NLGN1: variants seen among roughly 807,000 people sequenced by gnomAD.
NLGN1 encodes the protein neuroligin 1, also known as neuroligin-1.
In NLGN1, 12 loss-of-function variants were observed where a neutral mutation model predicts 65.5. The observed-to-expected ratio is 0.18, with a 90% CI of 0.12 to 0.30. The LOEUF (loss-of-function observed/expected upper bound fraction) is 0.30, where lower values mean the gene tolerates loss of function less well. NLGN1 is among the 10% of genes least tolerant of loss of function. The pLI is 1.00. For synonymous variants in NLGN1, 350 were observed against 359.5 expected (o/e 0.97, Z 0.30); for missense variants, 750 against 1,007.1 (o/e 0.74, Z 3.46).
At chr3:173,399,519 G>C (rs149636277) in intron 1 of NLGN1, 1 of 152,280 alleles carries the variant, frequency 6.6e-6, no homozygotes, top group East Asian at 1.9e-4. Context: ...GAATGGCTTT[G>C]AAGTTGAAGG....
chr3:173,709,803 C>CAAAAAAAAAAAAAAAAAAAA (rs59998502), intron 3 of NLGN1, among the ~76,000 whole-genome samples: 1 of 69,276 alleles, frequency 1.4e-5, no homozygotes, highest in Non-Finnish European at 2.7e-5. Flanking sequence ...AACTCTATCT[C>CAAAAAAAAAAAAAAAAAAAA]AAAAAAAAAA....
At chr3:174,166,335 A>G (rs1727485281) in intron 4 of NLGN1, among the ~76,000 whole-genome samples, 1 of 152,104 alleles carries the variant, frequency 6.6e-6, no homozygotes, top group Non-Finnish European at 1.5e-5. Flanking sequence ...GTTTAGCACT[A>G]TAAACCTTCC....
chr3:173,643,980 T>G (rs1215947742), intron 3 of NLGN1, among the ~76,000 whole-genome samples: 2 of 152,150 alleles, frequency 1.3e-5, no homozygotes, highest in Non-Finnish European at 2.9e-5. Flanking sequence ...AAGCTGCCAG[T>G]CCACCAGCTG....
chr3:174,234,939 TTA>T, intron 4 of NLGN1, among the ~76,000 whole-genome samples: 1 of 151,094 alleles, frequency 6.6e-6, no homozygotes, highest in Non-Finnish European at 1.5e-5. Context: ...GATGCATTTT[TTA>T]TATATATATC....
chr3:173,539,787 TAC>T (rs1425085320), intron 2 of NLGN1, among the ~76,000 whole-genome samples: 1 of 97,136 alleles, frequency 1.0e-5, no homozygotes, highest in East Asian at 1.3e-3. Flanking sequence ...CATATATATG[TAC>T]ATATATACAT....
intron 3 of NLGN1, among the ~76,000 whole-genome samples, chr3:173,761,580 G>C (rs1431924228): frequency 6.6e-6 from 1 of 152,048 alleles, no homozygotes; most frequent in African/African-American, 2.4e-5. Flanking sequence ...ATTTTGGGCA[G>C]ATTTTATGAG....
At chr3:174,121,080 C>G (rs1207233275) in intron 4 of NLGN1, among the ~76,000 whole-genome samples, 1 of 152,170 alleles carries the variant, frequency 6.6e-6, no homozygotes, top group East Asian at 1.9e-4. Context: ...AAGGGAAATT[C>G]AAGTTCAACT....
intron 3 of NLGN1, among the ~76,000 whole-genome samples, chr3:173,677,657 A>C (rs1763356719): frequency 6.6e-6 from 1 of 152,086 alleles, no homozygotes; most frequent in Non-Finnish European, 1.5e-5. Flanking sequence ...CATTTAAAAA[A>C]CATTGTAAAT....
At chr3:173,506,206 G>T (rs1278103838) in intron 2 of NLGN1, among the ~76,000 whole-genome samples, 1 of 151,952 alleles carries the variant, frequency 6.6e-6, no homozygotes, top group African/African-American at 2.4e-5. Flanking sequence ...CGAGAGAAAA[G>T]AATTTGGAGT....
intron 4 of NLGN1, among the ~76,000 whole-genome samples, chr3:173,820,183 A>G (rs1719975865): frequency 8.4e-6 from 1 of 118,638 alleles, no homozygotes; most frequent in Non-Finnish European, 1.9e-5. Context: ...AGTCTCGAAA[A>G]AAAAAAAAAA....
chr3:173,894,743 T>C (rs1736032986), intron 4 of NLGN1, among the ~76,000 whole-genome samples: 1 of 151,932 alleles, frequency 6.6e-6, no homozygotes, highest in African/African-American at 2.4e-5. Context: ...GTTCAAGTGA[T>C]TCTCCTGTCT....
At chr3:173,845,804 T>G (rs1283908633) in intron 4 of NLGN1, among the ~76,000 whole-genome samples, 10 of 152,192 alleles carry the variant, frequency 6.6e-5, no homozygotes, top group Non-Finnish European at 1.5e-4. Flanking sequence ...CCCTTTATCT[T>G]GACTCTTAGA....
At chr3:174,031,292 T>G (rs9823215) in intron 4 of NLGN1, among the ~76,000 whole-genome samples, 3,918 of 152,252 alleles carry the variant, frequency 0.026, 145 homozygotes, top group African/African-American at 0.077. Flanking sequence ...GCCTTCCCAT[T>G]TCCTGACTCC....
At chr3:173,838,408 A>G (rs1331332628) in intron 4 of NLGN1, among the ~76,000 whole-genome samples, 1 of 152,192 alleles carries the variant, frequency 6.6e-6, no homozygotes, top group Non-Finnish European at 1.5e-5. Context: ...TAGGAAATTA[A>G]CATTGAACCT....
intron 4 of NLGN1, among the ~76,000 whole-genome samples, chr3:174,102,675 G>C (rs1712808620): frequency 1.3e-5 from 2 of 152,174 alleles, no homozygotes; most frequent in East Asian, 3.9e-4. Flanking sequence ...CTACCTGGCT[G>C]TTGACTGGTT....
chr3:173,403,267 AT>A (rs1177456361), intron 1 of NLGN1, among the ~76,000 whole-genome samples: 2 of 152,148 alleles, frequency 1.3e-5, no homozygotes, highest in African/African-American at 4.8e-5. Flanking sequence ...ACATGTCTAA[AT>A]TATAAACCTT....
intron 4 of NLGN1, among the ~76,000 whole-genome samples, chr3:173,884,798 C>T (rs182208191): frequency 5.9e-5 from 9 of 152,198 alleles, no homozygotes; most frequent in East Asian, 1.9e-4. Context: ...TTATTTCTCA[C>T]GTTTCTGAAG....
intron 3 of NLGN1, among the ~76,000 whole-genome samples, chr3:173,703,470 T>A (rs1385594636): frequency 2.0e-5 from 3 of 150,440 alleles, no homozygotes; most frequent in Non-Finnish European, 4.4e-5. Context: ...TTATTTTAAC[T>A]TCTTCTTAAA....
chr3:174,095,205 G>A (rs576103337), intron 4 of NLGN1, among the ~76,000 whole-genome samples: 1,586 of 148,686 alleles, frequency 0.011, 14 homozygotes, highest in South Asian at 0.04. Flanking sequence ...TGTACCTGTG[G>A]AAGAAATTTT....
Sources: gnomAD v4.1 joint callset for allele counts (sites outside exome capture counted in the v4.1 genomes callset) on GRCh38, gnomAD v4.1.1 for gene constraint, MANE v1.5 for transcripts, NCBI Gene and HGNC (gene_info 2026-07-23, HGNC 2026-07-21) for gene names.